The following LUZP1 variants were observed in gnomAD, a reference collection of about 807,000 sequenced individuals.
The protein encoded by LUZP1 is filamin mechanobinding actin cross-linking protein.
LUZP1 carries 25 observed loss-of-function variants against 71.3 expected under a neutral mutation model. That is an observed-to-expected ratio of 0.35 (90% CI 0.26 to 0.49). The LOEUF is 0.49. LUZP1 is among the 20% of genes least tolerant of loss of function. The probability of loss-of-function intolerance (pLI) is 0.99; values close to 1 mark genes in which losing one functional copy is unlikely to be tolerated. For missense variants in LUZP1, 1,142 were observed against 1,300.8 expected, an observed-to-expected ratio of 0.88 and a Z score of 1.88; for synonymous variants, 481 against 506.4, an observed-to-expected ratio of 0.95 and a Z score of 0.67.
intron 3 of LUZP1, among the ~76,000 whole-genome samples, chr1:23,108,075 A>G (rs917185603): frequency 1.3e-5 from 2 of 152,160 alleles, no homozygotes; most frequent in African/African-American, 4.8e-5. Flanking sequence ...CAAGACCACC[A>G]GGTCTCTTGG....
rs1374246561 is a variant in LUZP1, at chr1:23,093,461, T to C, written c.801A>G (p.Val267=). ...CTGATTTGTTTCTTGTTTCATTCTC[T>C]ACCTGCTTTAGGTAGTCCAGACCAC... is the stretch of plus-strand genomic sequence containing the variant. The change falls in exon 4 of 5, where the codon GTA becomes GTG. Residue 267 remains valine, a synonymous_variant. Coordinates refer to ENST00000302291, the Ensembl canonical transcript of LUZP1. The surrounding 1 kb of genome is among the most constrained non-coding windows in gnomAD (Gnocchi z 4.2). The C allele has an allele frequency of 2.5e-6, 4 of 1,613,316 alleles. No homozygotes were observed. The highest frequency in any genetic ancestry group is 1.1e-5 in the South Asian group (1 of 90,750).
At chr1:23,090,680 A>C in intron 4 of LUZP1, 1 of 601,966 alleles carries the variant, frequency 1.7e-6, no homozygotes, top group Non-Finnish European at 2.9e-6. Context: ...AAATAGGCCC[A>C]GTGTAAGCCC....
chr1:23,138,760 T>C (rs911793692), intron 2 of LUZP1, among the ~76,000 whole-genome samples: 2 of 149,728 alleles, frequency 1.3e-5, no homozygotes, highest in Admixed American at 1.3e-4. Flanking sequence ...CCCAGCACTT[T>C]GGGAGACTGA....
At chr1:23,115,088 A>AT (rs1341783948) in intron 2 of LUZP1, among the ~76,000 whole-genome samples, 7 of 152,232 alleles carry the variant, frequency 4.6e-5, no homozygotes, top group African/African-American at 9.6e-5. Flanking sequence ...ATAATTTTCT[A>AT]TAAGTCTTGC....
exon 5 of LUZP1, chr1:23,085,453 C>A (rs1643749464): frequency 6.6e-6 from 1 of 152,410 alleles, no homozygotes; most frequent in South Asian, 2.1e-4. Flanking sequence ...TCGGGGTATT[C>A]AAAAAATAAT....
At chr1:23,136,850 G>A (rs1470650739) in intron 2 of LUZP1, among the ~76,000 whole-genome samples, 2 of 152,154 alleles carry the variant, frequency 1.3e-5, no homozygotes, top group East Asian at 3.9e-4. Flanking sequence ...CCCGGGAGGC[G>A]GAGCTTGCAG....
At chr1:23,161,446 G>A (rs1019927696) in intron 2 of LUZP1, among the ~76,000 whole-genome samples, 2 of 152,168 alleles carry the variant, frequency 1.3e-5, no homozygotes, top group Non-Finnish European at 2.9e-5. Flanking sequence ...CAAAGGCCCT[G>A]AGGTAGGAAA....
intron 3 of LUZP1, among the ~76,000 whole-genome samples, chr1:23,095,568 T>C (rs1342423066): frequency 6.6e-6 from 1 of 152,150 alleles, no homozygotes; most frequent in Non-Finnish European, 1.5e-5. Context: ...CATGCAGGTA[T>C]AAGAGGCAAG....
At position 23,142,698 on chromosome 1, in the gene LUZP1, TATACACAC is replaced by T. The variant is rs1292643495; in HGVS notation, c.-226+26060_-226+26067del. On this transcript the variant is annotated intron_variant, in intron 2 of 4. Transcript: ENST00000302291. ...GGTGGGTGCATAAAATATATATATA[TATACACAC>T]ACACACACACACACACACACACACA... Among the ~76,000 whole-genome samples the T allele has an allele frequency of 7.5e-3, 756 of 101,394 alleles. 5 individuals carry two copies. The highest frequency in any genetic ancestry group is 0.024 in the African/African-American group (634 of 26,610). The allele number at this position is 101,394 out of a possible 152,430, so 66.5% of individuals were successfully genotyped here.
intron 2 of LUZP1, among the ~76,000 whole-genome samples, chr1:23,118,581 T>C (rs1038571978): frequency 3.9e-5 from 6 of 152,172 alleles, no homozygotes; most frequent in African/African-American, 1.4e-4. Flanking sequence ...GAAGAATGTA[T>C]GTGAAAGTAC....
chr1:23,177,272 C>T (rs1300775681), intron 1 of LUZP1, among the ~76,000 whole-genome samples: 1 of 152,150 alleles, frequency 6.6e-6, no homozygotes, highest in Non-Finnish European at 1.5e-5. Context: ...CAACATGTTA[C>T]ACAATTACAA....
intron 2 of LUZP1, among the ~76,000 whole-genome samples, chr1:23,137,537 A>G (rs1172852700): frequency 6.6e-6 from 1 of 152,100 alleles, no homozygotes. Context: ...GCTACTCAGG[A>G]GGCTGAGGCA....
At position 23,093,845 on chromosome 1, in the gene LUZP1, C is replaced by T. The variant is rs375889545; in HGVS notation, c.417G>A (p.Leu139=). 1 of 1,613,988 alleles carries T rather than the reference C, an allele frequency of 6.2e-7. No individual in the cohort carries two copies. The highest frequency in any genetic ancestry group is 1.3e-5 in the African/African-American group (1 of 74,926). Reference sequence around the variant, plus strand: ...TCAGATTTCTCTCCTCATTCAGGCTCAGACACAGCTGGGTACAGTCATTCT... The same window carrying T: ...TCAGATTTCTCTCCTCATTCAGGCTTAGACACAGCTGGGTACAGTCATTCT... Residue 139 remains leucine (L), a synonymous_variant, in exon 4 of 5, where the codon CTG becomes CTA. Coordinates refer to ENST00000302291, the Ensembl canonical transcript of LUZP1. This position sits in a 1 kb window ranked among gnomAD's most constrained non-coding sequence, Gnocchi z 4.2.
intron 2 of LUZP1, among the ~76,000 whole-genome samples, chr1:23,144,315 T>G (rs536373923): frequency 2.0e-4 from 30 of 149,406 alleles, no homozygotes; most frequent in Admixed American, 8.3e-4. Context: ...TGCAGCAAAA[T>G]CAGGTGCTGA....
chr1:23,117,888 G>A (rs1422923653), intron 2 of LUZP1, among the ~76,000 whole-genome samples: 1 of 151,990 alleles, frequency 6.6e-6, no homozygotes, highest in African/African-American at 2.4e-5. Context: ...TCAGGAGTTC[G>A]AGACCAACCT....
chr1:23,160,537 T>C (rs1644455933), intron 2 of LUZP1, among the ~76,000 whole-genome samples: 1 of 152,240 alleles, frequency 6.6e-6, no homozygotes, highest in Non-Finnish European at 1.5e-5. Flanking sequence ...AGTCTCTATA[T>C]CGCCGGAAGC....
At chr1:23,091,083 G>A in intron 4 of LUZP1, 107 bp downstream of exon 3, 1 of 1,185,332 alleles carries the variant, frequency 8.4e-7, no homozygotes, top group East Asian at 2.6e-5. Flanking sequence ...GTTCTACTCA[G>A]TTCTCAAGAT....
At chr1:23,150,193 C>T (rs1644373506) in intron 2 of LUZP1, among the ~76,000 whole-genome samples, 1 of 151,928 alleles carries the variant, frequency 6.6e-6, no homozygotes, top group Admixed American at 6.6e-5. Flanking sequence ...AAAACTGATC[C>T]ATGTGGATCC....
rs1159361205 is a variant in LUZP1, at chr1:23,113,576, T to C, written c.-225-4449A>G. On this transcript the variant is annotated intron_variant, in intron 2 of 4. Transcript: ENST00000302291. ...ACAGAGCTATTATAACTAAGATCAA[T>C]GAGGTAAAAGAAAATATGCTCAAGG... 5.3e-5 allele frequency among the ~76,000 whole-genome samples: 8 copies of C among 151,090 alleles called. No homozygotes were observed. The East Asian group carries it at 1.6e-3, about 30-fold the overall frequency.
Sources: allele counts gnomAD v4.1 joint callset (sites outside exome capture counted in the v4.1 genomes callset), GRCh38; gene constraint gnomAD v4.1.1; non-coding constraint Gnocchi (gnomAD v3.1); transcripts MANE v1.5; gene names NCBI Gene and HGNC (gene_info 2026-07-23, HGNC 2026-07-21).